Variants in DHRS4L2 observed in about 807,000 individuals in gnomAD.
DHRS4L2 encodes dehydrogenase/reductase SDR family member 4-like 2.
Under a neutral mutation model 23.9 loss-of-function variants are expected in DHRS4L2, and 22 were observed. The ratio of observed to expected loss-of-function variants is 0.92; its 90% CI spans 0.66 to 1.31. The LOEUF is 1.31. Ranked by LOEUF, DHRS4L2 falls within the 40% of genes most tolerant of loss-of-function variation. The pLI, the probability that DHRS4L2 is intolerant of heterozygous loss-of-function variation, is 0.00. For missense variants in DHRS4L2, 385 were observed against 303.3 expected, an observed-to-expected ratio of 1.27 and a Z score of -2.00; for synonymous variants, 141 against 123.7, an observed-to-expected ratio of 1.14 and a Z score of -0.93.
intron 5 of DHRS4L2, 81 bp downstream of exon 5, chr14:24,001,165 G>C (rs1186582381): frequency 4.4e-6 from 7 of 1,607,664 alleles, no homozygotes; most frequent in Admixed American, 1.7e-5. Flanking sequence ...AAAGAAGTTT[G>C]TGTCCCCTTG....
intron 3 of DHRS4L2, among the ~76,000 whole-genome samples, chr14:23,997,738 T>G (rs1337649812): frequency 6.6e-6 from 1 of 151,156 alleles, no homozygotes; most frequent in Non-Finnish European, 1.5e-5. Context: ...TTCCACCACA[T>G]CTGCAGTTCC....
chr14:23,973,430 C>T (rs574447059), intron 1 of DHRS4L2, among the ~76,000 whole-genome samples: 10 of 152,058 alleles, frequency 6.6e-5, no homozygotes, highest in Non-Finnish European at 1.2e-4. Flanking sequence ...GAAAGGGGCT[C>T]CCACAGTGCA....
intron 1 of DHRS4L2, among the ~76,000 whole-genome samples, chr14:23,978,887 A>G (rs2034012373): frequency 1.4e-5 from 2 of 143,584 alleles, no homozygotes; most frequent in Admixed American, 1.4e-4. Flanking sequence ...AACTGCGTCA[A>G]CTAATGGGCA....
chr14:23,977,133 T>C (rs1188009698), intron 1 of DHRS4L2, among the ~76,000 whole-genome samples: 1 of 151,902 alleles, frequency 6.6e-6, no homozygotes, highest in Non-Finnish European at 1.5e-5. Flanking sequence ...GATAGAGCAA[T>C]ATCTCACAAA....
At chr14:23,988,766 G>T, upstream of DHRS4L2, 1 of 1,398,858 alleles carries the variant, frequency 7.1e-7, no homozygotes, top group African/African-American at 1.5e-5. Flanking sequence ...GCGGAAGGTA[G>T]CTGGCTGCGG....
chr14:23,985,088 C>T (rs1383312973), upstream of DHRS4L2, among the ~76,000 whole-genome samples: 1 of 151,406 alleles, frequency 6.6e-6, no homozygotes, highest in African/African-American at 2.4e-5. Context: ...CAGTAGATAA[C>T]CTCAAGGAGC....
Position 24,006,109 on chromosome 14 carries a change from C to G in DHRS4L2, c.*246C>G. The G allele has an allele frequency of 7.5e-7, 1 of 1,331,924 alleles. No individual in the cohort carries two copies. The highest frequency in any genetic ancestry group is 1.5e-5 in the African/African-American group (1 of 64,738). 82.5% of individuals were successfully genotyped at this position (1,331,924 alleles called of 1,614,324 possible). A position where few individuals can be genotyped will look rare whatever the true frequency, so the allele number is the denominator to read the frequency against. The stretch of plus-strand genomic sequence containing the variant: ...CTGCTCACCTTACTGTTCACCTCAT[C>G]AAATCAGTTCTGCCCTGTGAAAAGA... On this transcript the variant is annotated 3_prime_UTR_variant, in exon 8 of 8. Transcript: ENST00000335125.
chr14:23,988,867 G>T, upstream of DHRS4L2: 1 of 1,536,166 alleles, frequency 6.5e-7, no homozygotes, highest in South Asian at 1.2e-5. Flanking sequence ...CAGGGAAGCG[G>T]CCCGCCCTTC....
intron 1 of DHRS4L2, among the ~76,000 whole-genome samples, chr14:23,981,859 G>T (rs1241615773): frequency 1.3e-5 from 2 of 151,746 alleles, no homozygotes; most frequent in African/African-American, 4.8e-5. Context: ...CATCTCAGTG[G>T]AGTAAAGAAT....
At chr14:23,995,916 C>A (rs2138548409) in intron 3 of DHRS4L2, among the ~76,000 whole-genome samples, 1 of 151,842 alleles carries the variant, frequency 6.6e-6, no homozygotes, top group South Asian at 2.1e-4. Context: ...AAAGGAATAC[C>A]TGAGCTGGGC....
rs768424309 is a variant in DHRS4L2 at position 23,990,192 on chromosome 14, G to T, written c.139G>T (p.Ala47Ser). ...VTASTDGIGF[A>S]IARRLAQDRA... ...TCTTTCTGCTCACAGGATCGGCTTC[G>T]CCATCGCCCGGCGTTTGGCCCAGGA... is the stretch of plus-strand genomic sequence containing the variant. The change falls in exon 2 of 8, where the codon GCC (alanine) becomes TCC (serine). Residue 47 changes from alanine (A) to serine (S), a missense_variant. Coordinates refer to ENST00000335125, the MANE Select transcript of DHRS4L2 (RefSeq NM_198083.4). 3.1e-6 allele frequency: 5 copies of T among 1,612,714 alleles called. No homozygotes were observed. The highest frequency in any genetic ancestry group is 3.3e-4 in the Middle Eastern group (2 of 6,058).
At chr14:23,972,626 G>C (rs1268342144) in intron 1 of DHRS4L2, among the ~76,000 whole-genome samples, 1 of 152,006 alleles carries the variant, frequency 6.6e-6, no homozygotes, top group African/African-American at 2.4e-5. Flanking sequence ...GGTGGGACAA[G>C]AGACTGAGAA....
At chr14:24,001,246 G>A (rs888975032) in intron 5 of DHRS4L2, 138 bp from the exon 6 acceptor site, 87 of 1,570,028 alleles carry the variant, frequency 5.5e-5, no homozygotes, top group African/African-American at 7.2e-5. Context: ...CCTAGGGGAG[G>A]TTTAGCCACA....
chr14:23,988,890 CG>C, upstream of DHRS4L2: 1 of 1,591,762 alleles, frequency 6.3e-7, no homozygotes, highest in African/African-American at 1.3e-5. Flanking sequence ...CCTGCCCCTT[CG>C]CCCTACTCTG....
intron 1 of DHRS4L2, among the ~76,000 whole-genome samples, chr14:23,976,592 C>T (rs1484093805): frequency 1.3e-5 from 2 of 151,810 alleles, no homozygotes; most frequent in East Asian, 3.9e-4. Flanking sequence ...GATCCAGCAA[C>T]CCCATTACTG....
At chr14:23,975,533 C>T (rs187089919) in intron 1 of DHRS4L2, among the ~76,000 whole-genome samples, 121 of 151,806 alleles carry the variant, frequency 8.0e-4, no homozygotes, top group Non-Finnish European at 1.5e-3. Context: ...TCAATGCTAT[C>T]CCCATCAAGC....
At chr14:23,983,339 C>T (rs3966042) in intron 1 of DHRS4L2, among the ~76,000 whole-genome samples, 7 of 151,522 alleles carry the variant, frequency 4.6e-5, no homozygotes, top group Admixed American at 2.6e-4. Context: ...AGATACCATC[C>T]CACACCAGTT....
At chr14:23,996,678 T>A (rs1346877523) in intron 3 of DHRS4L2, among the ~76,000 whole-genome samples, 1 of 145,296 alleles carries the variant, frequency 6.9e-6, no homozygotes. Flanking sequence ...CCTCGCTGTG[T>A]CATTGAGGCT....
chr14:23,976,258 C>A (rs558116056), intron 1 of DHRS4L2, among the ~76,000 whole-genome samples: 1 of 151,576 alleles, frequency 6.6e-6, no homozygotes, highest in South Asian at 2.1e-4. Context: ...AATAAATTTA[C>A]AAGAAAAAAA....
Sources: allele counts gnomAD v4.1 joint callset (sites outside exome capture counted in the v4.1 genomes callset), GRCh38; gene constraint gnomAD v4.1.1; transcripts MANE v1.5; gene names NCBI Gene and HGNC (gene_info 2026-07-23, HGNC 2026-07-21).